The following ZNF735 variants were observed in gnomAD, a reference collection of about 807,000 sequenced individuals.
ZNF735 encodes the protein putative zinc finger protein 735.
Under a neutral mutation model 13.4 loss-of-function variants are expected in ZNF735, and 11 were observed. The ratio of observed to expected loss-of-function variants is 0.82; its 90% CI spans 0.52 to 1.36. The LOEUF (loss-of-function observed/expected upper bound fraction) is 1.36. ZNF735 is among the 40% of genes most tolerant of loss of function. The pLI, the probability that ZNF735 is intolerant of heterozygous loss-of-function variation, is 0.00. For missense variants in ZNF735, 500 were observed against 484.6 expected (o/e 1.03, Z -0.30); for synonymous variants, 171 against 162.6 (o/e 1.05, Z -0.39).
chr7:64,220,105 C>A, exon 4 of ZNF735: 4 of 1,613,608 alleles, frequency 2.5e-6, no homozygotes, highest in Non-Finnish European at 3.4e-6. Context: ...TGGAGAGAAA[C>A]CCTACACATG....
chr7:64,207,293 G>T, intron 1 of ZNF735, 52 bp downstream of exon 1: 1 of 1,614,096 alleles, frequency 6.2e-7, no homozygotes, highest in Non-Finnish European at 8.5e-7. Context: ...GGTTGGAACC[G>T]GCTGAAAGTG....
intron 1 of ZNF735, among the ~76,000 whole-genome samples, chr7:64,211,883 G>GAA (rs566518230): frequency 0.039 from 3,741 of 95,298 alleles, 86 homozygotes; most frequent in East Asian, 0.29. Flanking sequence ...AAAGAAAAAA[G>GAA]AAAAAAAATA....
At chr7:64,213,129 C>T in exon 2 of ZNF735, 1 of 1,612,072 alleles carries the variant, frequency 6.2e-7, no homozygotes, top group Non-Finnish European at 8.5e-7. Flanking sequence ...ATAGAATTCT[C>T]TCTGGCGGAG....
intron 1 of ZNF735, among the ~76,000 whole-genome samples, chr7:64,211,486 A>G (rs1441889626): frequency 6.6e-6 from 1 of 152,204 alleles, no homozygotes; most frequent in African/African-American, 2.4e-5. Context: ...TGCTAAACAA[A>G]GACTACTTAA....
chr7:64,210,158 A>G (rs533931401), intron 1 of ZNF735, among the ~76,000 whole-genome samples: 10 of 152,206 alleles, frequency 6.6e-5, no homozygotes, highest in Non-Finnish European at 1.2e-4. Context: ...GTGTTCTGTG[A>G]TATGCTCCTG....
chr7:64,209,586 A>G (rs1380227117), intron 1 of ZNF735, among the ~76,000 whole-genome samples: 2 of 140,598 alleles, frequency 1.4e-5, no homozygotes, highest in African/African-American at 2.6e-5. Flanking sequence ...TGGCCTCTGA[A>G]AGTGCTGGGA....
intron 3 of ZNF735, among the ~76,000 whole-genome samples, chr7:64,215,855 C>T (rs188545479): frequency 3.7e-4 from 56 of 152,190 alleles, no homozygotes; most frequent in Non-Finnish European, 7.4e-4. Context: ...GCTGGGCTCC[C>T]TATTTTGTTC....
At chr7:64,213,893 A>C in intron 2 of ZNF735, 120 bp from the exon 3 acceptor site, 1 of 891,582 alleles carries the variant, frequency 1.1e-6, no homozygotes, top group South Asian at 1.9e-5. Context: ...TGGGAAGTGG[A>C]GGTTGCAGTG....
chr7:64,209,228 G>GTTT (rs377315967), intron 1 of ZNF735, among the ~76,000 whole-genome samples: 6 of 139,940 alleles, frequency 4.3e-5, no homozygotes, highest in East Asian at 2.2e-4. Flanking sequence ...CATCTGTTCC[G>GTTT]TTTTTTTTTT....
In ZNF735 at chr7:64,208,429, G is replaced by A. The variant is rs186528520; in HGVS notation, c.39+1188G>A. Among the ~76,000 whole-genome samples the A allele has an allele frequency of 6.1e-3, 931 of 151,676 alleles. 7 individuals are homozygous for A. The highest frequency in any genetic ancestry group is 0.021 in the African/African-American group (859 of 41,360). Reference sequence around the variant, plus strand: ...AGGCCACCACGCCCAACTAATTTTTGTATTTTTAGTAGAGACGGGATTTCA... The same window carrying A: ...AGGCCACCACGCCCAACTAATTTTTATATTTTTAGTAGAGACGGGATTTCA... On this transcript the variant is annotated intron_variant, in intron 1 of 3. Transcript: ENST00000429565.
At position 64,213,039 on chromosome 7, in the gene ZNF735, T is replaced by A. The variant is rs952518111; in HGVS notation, c.40-53T>A. On this transcript the variant is annotated intron_variant, in intron 1 of 3. Coordinates refer to ENST00000429565, the Ensembl canonical transcript of ZNF735. ...ACTTGAGTCAAATAAAAATCTCTGCTTACGGCCATATGGTAAGTGTGTGTT... is the reference window on the plus strand; with the variant it reads ...ACTTGAGTCAAATAAAAATCTCTGCATACGGCCATATGGTAAGTGTGTGTT... The A allele has an allele frequency of 5.8e-6, 9 of 1,553,972 alleles. No individual in the cohort carries two copies. In the African/African-American group the frequency reaches 1.2e-4, roughly 21 times the overall value.
chr7:64,219,426 A>T (rs749432110), exon 4 of ZNF735: 18 of 1,613,774 alleles, frequency 1.1e-5, no homozygotes, highest in East Asian at 4.5e-5. Flanking sequence ...ATTTACAATT[A>T]AAAAAATGTT....
chr7:64,213,304 A>T, intron 2 of ZNF735, 86 bp downstream of exon 2: 1 of 1,356,020 alleles, frequency 7.4e-7, no homozygotes, highest in Non-Finnish European at 1.0e-6. Context: ...CTTTGCATGA[A>T]TGAATTTTAG....
chr7:64,219,491 A>G, exon 4 of ZNF735: 4 of 1,612,602 alleles, frequency 2.5e-6, no homozygotes, highest in Non-Finnish European at 3.4e-6. Context: ...GACCTTAACC[A>G]ATGTTTGTCA....
intron 1 of ZNF735, among the ~76,000 whole-genome samples, chr7:64,212,450 G>A: frequency 6.6e-6 from 1 of 152,136 alleles, no homozygotes. Flanking sequence ...TGTTTTATCT[G>A]AGAAATATAC....
At chr7:64,211,893 ATAT>A (rs1562832183) in intron 1 of ZNF735, among the ~76,000 whole-genome samples, 15 of 92,992 alleles carry the variant, frequency 1.6e-4, no homozygotes, top group African/African-American at 3.8e-4. Flanking sequence ...GAAAAAAAAT[ATAT>A]ATATATATAT....
intron 1 of ZNF735, among the ~76,000 whole-genome samples, chr7:64,211,689 C>A (rs1401537980): frequency 6.6e-6 from 1 of 151,556 alleles, no homozygotes; most frequent in Non-Finnish European, 1.5e-5. Context: ...CCTGGTGAAA[C>A]CCTGTCTCTA....
Position 64,219,540 on chromosome 7 carries a change from CAA to C in ZNF735, c.491_492del (p.Lys164SerfsTer4), listed in dbSNP as rs775841380. ...AAATATTTCAGACTCATAAATGTGT[CAA>C]AGTCTTCAGTAAATTTTCAAATTCC... is the stretch of plus-strand genomic sequence containing the variant. On this transcript the variant is annotated frameshift_variant, in exon 4 of 4. Transcript: ENST00000429565. LOFTEE classifies it low-confidence loss of function (END_TRUNC). 1.9e-6 allele frequency: 3 copies of C among 1,594,914 alleles called. No individual in the cohort carries two copies. Among genetic ancestry groups the C allele is most frequent in the East Asian group, 4.5e-5 (2 of 44,386 alleles).
chr7:64,214,734 A>G (rs925180260), intron 3 of ZNF735, among the ~76,000 whole-genome samples: 1 of 152,046 alleles, frequency 6.6e-6, no homozygotes, highest in Non-Finnish European at 1.5e-5. Flanking sequence ...TATTTTAGAT[A>G]TAGATTCATA....
Sources: gnomAD v4.1 joint callset for allele counts (sites outside exome capture counted in the v4.1 genomes callset) on GRCh38, gnomAD v4.1.1 for gene constraint, MANE v1.5 for transcripts, NCBI Gene and HGNC (gene_info 2026-07-23, HGNC 2026-07-21) for gene names.